Variants in WWOX observed in about 807,000 individuals in gnomAD.
WWOX encodes the protein WW domain-containing oxidoreductase.
A neutral mutation model predicts 46.2 loss-of-function variants in WWOX; 69 were observed. The ratio of observed to expected loss-of-function variants is 1.49; its 90% CI spans 1.23 to 1.82. The LOEUF (loss-of-function observed/expected upper bound fraction) is 1.82, where lower values mean the gene tolerates loss of function less well. Among genes scored for constraint, WWOX ranks in the 40% most tolerant of loss-of-function variants. The pLI, the probability that WWOX is intolerant of heterozygous loss-of-function variation, is 0.00. For synonymous variants in WWOX, 359 were observed against 202.6 expected (o/e 1.77, Z -6.56); for missense variants, 919 against 542.6 (o/e 1.69, Z -6.89).
intron 8 of WWOX, among the ~76,000 whole-genome samples, chr16:78,918,391 C>T (rs144631974): frequency 1.7e-3 from 259 of 152,216 alleles, no homozygotes; most frequent in Non-Finnish European, 2.7e-3. Context: ...TCTCTCCTTT[C>T]CAGGCTGGCT....
intron 8 of WWOX, among the ~76,000 whole-genome samples, chr16:78,800,060 C>G (rs775809949): frequency 3.9e-5 from 6 of 152,142 alleles, no homozygotes; most frequent in Admixed American, 2.0e-4. Flanking sequence ...TCATCAAGCA[C>G]ATTGTTATCC....
intron 8 of WWOX, among the ~76,000 whole-genome samples, chr16:78,782,575 A>C (rs1240758829): frequency 6.6e-6 from 1 of 152,042 alleles, no homozygotes; most frequent in Non-Finnish European, 1.5e-5. Flanking sequence ...TCCGTCCACC[A>C]GCCAAAGAGG....
intron 8 of WWOX, among the ~76,000 whole-genome samples, chr16:79,127,263 T>G (rs1220287446): frequency 1.3e-5 from 2 of 152,170 alleles, no homozygotes; most frequent in African/African-American, 4.8e-5. Context: ...CTTTAGCACC[T>G]AATTCCTCTT....
intron 8 of WWOX, among the ~76,000 whole-genome samples, chr16:78,601,837 C>T (rs2550629): frequency 2.8e-5 from 4 of 143,724 alleles, no homozygotes; most frequent in African/African-American, 8.9e-5. Flanking sequence ...TGGGAATATT[C>T]GACTCTGCAG....
chr16:78,524,865 C>CTTTTTTT (rs370620034), intron 8 of WWOX, among the ~76,000 whole-genome samples: 24 of 48,516 alleles, frequency 4.9e-4, no homozygotes, highest in African/African-American at 1.5e-3. Flanking sequence ...GTTTTTCTTT[C>CTTTTTTT]TTTTTTTTTT....
chr16:79,061,775 C>T (rs1328989856), intron 8 of WWOX, among the ~76,000 whole-genome samples: 3 of 149,364 alleles, frequency 2.0e-5, no homozygotes, highest in Non-Finnish European at 4.4e-5. Flanking sequence ...AACAGCAATA[C>T]TGATCATAGC....
intron 5 of WWOX, among the ~76,000 whole-genome samples, chr16:78,164,886 G>A (rs1042476355): frequency 6.6e-6 from 1 of 152,222 alleles, no homozygotes; most frequent in African/African-American, 2.4e-5. Context: ...TGGGGGGAAT[G>A]ATAGCGTGAG....
chr16:78,729,760 T>G (rs2048924219), intron 8 of WWOX, among the ~76,000 whole-genome samples: 1 of 152,206 alleles, frequency 6.6e-6, no homozygotes, highest in African/African-American at 2.4e-5. Flanking sequence ...AAATGGGCTT[T>G]GCTTGAAGTC....
intron 8 of WWOX, among the ~76,000 whole-genome samples, chr16:78,611,978 C>A (rs2738554): frequency 6.6e-6 from 1 of 152,004 alleles, no homozygotes; most frequent in East Asian, 1.9e-4. Context: ...CAGCCTAGCC[C>A]ACAGATGGGG....
chr16:78,220,412 A>G (rs1452786978), intron 5 of WWOX, among the ~76,000 whole-genome samples: 1 of 4,762 alleles, frequency 2.1e-4, no homozygotes, highest in Admixed American at 4.3e-3. Flanking sequence ...ACATATAACA[A>G]TGCTATTTTG....
chr16:78,395,243 G>T (rs946081408), intron 6 of WWOX, among the ~76,000 whole-genome samples: 1 of 152,198 alleles, frequency 6.6e-6, no homozygotes, highest in Non-Finnish European at 1.5e-5. Flanking sequence ...GAGAGGACAC[G>T]TGTGATGTCT....
chr16:78,370,062 C>G, intron 5 of WWOX, among the ~76,000 whole-genome samples: 1 of 135,054 alleles, frequency 7.4e-6, no homozygotes, highest in South Asian at 2.3e-4. Context: ...AGCTTGGGAG[C>G]TGGAGCTTGC....
chr16:78,606,498 C>A (rs1296322806), intron 8 of WWOX, among the ~76,000 whole-genome samples: 1 of 151,964 alleles, frequency 6.6e-6, no homozygotes, highest in Admixed American at 6.6e-5. Flanking sequence ...CTGCTATGTC[C>A]GGGAATTTCT....
chr16:78,662,524 C>G (rs370016731), intron 8 of WWOX, among the ~76,000 whole-genome samples: 2 of 152,128 alleles, frequency 1.3e-5, no homozygotes, highest in East Asian at 3.9e-4. Context: ...CTATCAGGCC[C>G]TTTGGACCAG....
chr16:78,511,471 T>C (rs777337740), intron 8 of WWOX, among the ~76,000 whole-genome samples: 1 of 152,250 alleles, frequency 6.6e-6, no homozygotes, highest in African/African-American at 2.4e-5. Flanking sequence ...TGAAGGTCAG[T>C]AGTACTTCAG....
intron 8 of WWOX, among the ~76,000 whole-genome samples, chr16:78,689,436 T>C (rs1351076754): frequency 1.3e-5 from 2 of 152,228 alleles, no homozygotes; most frequent in African/African-American, 4.8e-5. Flanking sequence ...CAAAGAATCC[T>C]TGACCAAACT....
rs574009258 is a variant in WWOX, at chr16:78,578,608, C to G, written c.1056+145856C>G. On this transcript the variant is annotated intron_variant, in intron 8 of 8. Coordinates refer to ENST00000566780, the MANE Select transcript of WWOX (RefSeq NM_016373.4). ...TGGCGAAAATTATATATTATACACACAAACATACACACACGCACACACCAA... is the reference window on the plus strand; with the variant it reads ...TGGCGAAAATTATATATTATACACAGAAACATACACACACGCACACACCAA... 1.8e-3 allele frequency among the ~76,000 whole-genome samples: 273 copies of G among 152,072 alleles called. 4 individuals are homozygous for G. The highest frequency in any genetic ancestry group is 2.6e-3 in the Non-Finnish European group (180 of 68,002).
intron 6 of WWOX, among the ~76,000 whole-genome samples, chr16:78,422,674 T>TAC (rs2082962201): frequency 1.6e-5 from 1 of 63,232 alleles, no homozygotes; most frequent in Admixed American, 1.9e-4. Flanking sequence ...TATATATATA[T>TAC]ATATATATAT....
intron 8 of WWOX, among the ~76,000 whole-genome samples, chr16:79,141,965 A>C (rs1567578273): frequency 6.6e-6 from 1 of 152,208 alleles, no homozygotes; most frequent in Non-Finnish European, 1.5e-5. Flanking sequence ...CCCGTCTAGC[A>C]GGGAGGAGAT....
Sources: gnomAD v4.1 joint callset for allele counts (sites outside exome capture counted in the v4.1 genomes callset) on GRCh38, gnomAD v4.1.1 for gene constraint, MANE v1.5 for transcripts, NCBI Gene and HGNC (gene_info 2026-07-23, HGNC 2026-07-21) for gene names.